Variants in VIT observed in about 807,000 individuals in gnomAD.
VIT encodes the protein vitrin.
A neutral mutation model predicts 78.0 loss-of-function variants in VIT; 99 were observed. The ratio of observed to expected loss-of-function variants is 1.27; its 90% CI spans 1.08 to 1.50. The LOEUF (loss-of-function observed/expected upper bound fraction) is 1.50. Ranked by LOEUF, VIT falls within the 40% of genes most tolerant of loss-of-function variation. VIT has a pLI of 0.00. For missense variants in VIT, 1,126 were observed against 875.3 expected (o/e 1.29, Z -3.61); for synonymous variants, 374 against 334.3 (o/e 1.12, Z -1.29).
intron 4 of VIT, among the ~76,000 whole-genome samples, chr2:36,751,318 C>A (rs1340049560): frequency 2.0e-5 from 3 of 152,202 alleles, no homozygotes; most frequent in Non-Finnish European, 4.4e-5. Flanking sequence ...ATCGCTTAAA[C>A]CTGGAAGGCG....
intron 15 of VIT, among the ~76,000 whole-genome samples, chr2:36,810,954 C>T (rs1667119987): frequency 1.3e-5 from 2 of 152,148 alleles, no homozygotes; most frequent in Admixed American, 1.3e-4. Flanking sequence ...CATTTAATTT[C>T]AGTTATTTGG....
intron 7 of VIT, among the ~76,000 whole-genome samples, chr2:36,769,462 C>G (rs1669622178): frequency 6.6e-6 from 1 of 152,060 alleles, no homozygotes; most frequent in Admixed American, 6.6e-5. Context: ...TCATCCTTGT[C>G]CAGAGCCCAC....
intron 2 of VIT, among the ~76,000 whole-genome samples, chr2:36,716,862 G>C (rs973543724): frequency 2.9e-5 from 4 of 135,700 alleles, no homozygotes; most frequent in African/African-American, 1.0e-4. Flanking sequence ...CGCTTTTAGA[G>C]ATGATTCTTT....
At chr2:36,747,736 T>A (rs1410553557) in intron 4 of VIT, among the ~76,000 whole-genome samples, 1 of 152,192 alleles carries the variant, frequency 6.6e-6, no homozygotes, top group Non-Finnish European at 1.5e-5. Context: ...AATTGGAGCA[T>A]TTAGACCATT....
intron 1 of VIT, among the ~76,000 whole-genome samples, chr2:36,703,676 C>T (rs1201509720): frequency 6.6e-6 from 1 of 152,100 alleles, no homozygotes; most frequent in East Asian, 1.9e-4. Context: ...ACTAAGACCA[C>T]TTTATTATAG....
At chr2:36,705,335 T>G (rs1034592696) in intron 1 of VIT, among the ~76,000 whole-genome samples, 2 of 152,204 alleles carry the variant, frequency 1.3e-5, no homozygotes, top group African/African-American at 2.4e-5. Context: ...ACTAGTATTT[T>G]TTCCCACTGG....
At chr2:36,710,306 C>T (rs1234366381) in intron 1 of VIT, among the ~76,000 whole-genome samples, 3 of 152,164 alleles carry the variant, frequency 2.0e-5, no homozygotes, top group Non-Finnish European at 2.9e-5. Context: ...GACTCCTTCC[C>T]GTCTCTGATC....
chr2:36,764,223 A>G (rs1669288339), intron 6 of VIT, among the ~76,000 whole-genome samples: 1 of 152,250 alleles, frequency 6.6e-6, no homozygotes, highest in African/African-American at 2.4e-5. Context: ...TGAATCATTT[A>G]CAAGTAAAAT....
chr2:36,805,025 G>A (rs547546510), intron 13 of VIT, among the ~76,000 whole-genome samples: 41 of 152,146 alleles, frequency 2.7e-4, no homozygotes, highest in Non-Finnish European at 5.1e-4. Context: ...GTAACAGGCC[G>A]GGTGCAGTGG....
chr2:36,717,350 G>A (rs1050565706), intron 2 of VIT, among the ~76,000 whole-genome samples: 16 of 127,914 alleles, frequency 1.3e-4, no homozygotes, highest in Non-Finnish European at 2.4e-4. Context: ...GTGTGTGTGT[G>A]TGTGTGTGTG....
chr2:36,777,436 C>T (rs932644906), intron 9 of VIT, among the ~76,000 whole-genome samples: 2 of 152,070 alleles, frequency 1.3e-5, no homozygotes, highest in African/African-American at 2.4e-5. Context: ...TCTAACTATG[C>T]TGTAGACTAT....
intron 7 of VIT, among the ~76,000 whole-genome samples, chr2:36,767,779 G>C (rs976861624): frequency 1.3e-5 from 2 of 152,228 alleles, no homozygotes; most frequent in South Asian, 4.1e-4. Context: ...CCAGTTTATG[G>C]ACTTCATCTC....
intron 2 of VIT, among the ~76,000 whole-genome samples, chr2:36,722,962 T>C (rs1172799665): frequency 6.6e-6 from 1 of 151,088 alleles, no homozygotes; most frequent in African/African-American, 2.4e-5. Flanking sequence ...TATATAAGAT[T>C]CTAATTTTAT....
In VIT at chr2:36,716,405, T is replaced by C; in HGVS notation, c.35T>C (p.Val12Ala). 1 of 1,613,974 alleles carries C rather than the reference T, an allele frequency of 6.2e-7. No individual in the cohort carries two copies. Among genetic ancestry groups the C allele is most frequent in the Non-Finnish European group, 8.5e-7 (1 of 1,179,896 alleles). ...GTTGTTCTCACTATGAAGGCATCTG[T>C]TATTGAAATGTTCCTTGGTAAGTAC... ...RTVVLTMKAS[V>A]IEMFLVLLVT... The change falls in exon 2 of 16, where the codon GTT (valine) becomes GCT (alanine). Residue 12 changes from valine to alanine, a missense_variant. Transcript: ENST00000379242.
intron 1 of VIT, among the ~76,000 whole-genome samples, chr2:36,712,276 C>T (rs1293262118): frequency 6.6e-6 from 1 of 152,168 alleles, no homozygotes; most frequent in African/African-American, 2.4e-5. Flanking sequence ...TAGAGTGATT[C>T]TGGTCAGGTT....
chr2:36,735,073 A>G (rs970693675), intron 3 of VIT, among the ~76,000 whole-genome samples: 2 of 152,122 alleles, frequency 1.3e-5, no homozygotes, highest in Admixed American at 1.3e-4. Flanking sequence ...CTGAGGCAGA[A>G]TTGCTTGAAC....
At chr2:36,779,194 T>C (rs1452477007) in intron 9 of VIT, among the ~76,000 whole-genome samples, 2 of 152,220 alleles carry the variant, frequency 1.3e-5, no homozygotes, top group African/African-American at 2.4e-5. Context: ...TGATGACTCC[T>C]AGTGTGTGAT....
At chr2:36,774,637 G>T (rs1444114516) in intron 8 of VIT, 1 of 985,390 alleles carries the variant, frequency 1.0e-6, no homozygotes, top group East Asian at 1.1e-4. Context: ...GGGCTCCTCT[G>T]GTCAGGGCGA....
chr2:36,754,274 A>G (rs954716543), intron 4 of VIT, among the ~76,000 whole-genome samples: 1 of 151,044 alleles, frequency 6.6e-6, no homozygotes, highest in Admixed American at 6.6e-5. Flanking sequence ...CAAAGGAGCC[A>G]TGCATGTTCG....
Sources: allele counts gnomAD v4.1 joint callset (sites outside exome capture counted in the v4.1 genomes callset), GRCh38; gene constraint gnomAD v4.1.1; transcripts MANE v1.5; gene names NCBI Gene and HGNC (gene_info 2026-07-23, HGNC 2026-07-21).